VPS13D: variants seen among roughly 807,000 people sequenced by gnomAD.
VPS13D encodes vacuolar protein sorting 13 homolog D.
Under a neutral mutation model 461.9 loss-of-function variants are expected in VPS13D, and 187 were observed. That is an observed-to-expected ratio of 0.40 (90% confidence interval 0.36 to 0.46). The LOEUF (loss-of-function observed/expected upper bound fraction) is 0.46, where lower values mean the gene tolerates loss of function less well. Among genes scored for constraint, VPS13D ranks in the 20% least tolerant of loss-of-function variants. The pLI, the probability that VPS13D is intolerant of heterozygous loss-of-function variation, is 0.60. For missense variants in VPS13D, 4,711 were observed against 5,364.9 expected (o/e 0.88, Z 3.81); for synonymous variants, 1,951 against 1,986.3 (o/e 0.98, Z 0.47).
intron 57 of VPS13D, among the ~76,000 whole-genome samples, chr1:12,382,620 C>A (rs1401817918): frequency 6.6e-6 from 1 of 152,126 alleles, no homozygotes; most frequent in African/African-American, 2.4e-5. Context: ...GATTTTTAAG[C>A]AAACCCTAGT....
intron 65 of VPS13D, among the ~76,000 whole-genome samples, chr1:12,426,159 CAA>C (rs1439539671): frequency 2.6e-5 from 4 of 152,028 alleles, no homozygotes; most frequent in East Asian, 1.9e-4. Flanking sequence ...ATGTATGACT[CAA>C]AAGCATTTGA....
In VPS13D at chr1:12,244,235, TCTC is replaced by T. The variant is rs754935525; in HGVS notation, c.176-8_176-6del. The T allele has an allele frequency of 2.1e-5, 33 of 1,599,958 alleles. No homozygotes were observed. In the African/African-American group the frequency reaches 2.4e-4, roughly 12 times the overall value. ...TACAGATGGTGAACAAGACTTTCCT[TCTC>T]CTTCCAGGCTTCATTGGGAAAGTAA... On this transcript the variant is annotated splice_region_variant and splice_polypyrimidine_tract_variant and intron_variant, in intron 3 of 69. Coordinates refer to ENST00000620676, the MANE Select transcript of VPS13D (RefSeq NM_015378.4).
intron 65 of VPS13D, among the ~76,000 whole-genome samples, chr1:12,450,636 G>A (rs1452004626): frequency 3.3e-5 from 5 of 152,178 alleles, no homozygotes; most frequent in African/African-American, 1.2e-4. Flanking sequence ...CATGAAGAGG[G>A]AACAAATACT....
intron 13 of VPS13D, among the ~76,000 whole-genome samples, chr1:12,262,927 C>T (rs958756336): frequency 1.3e-5 from 2 of 152,096 alleles, no homozygotes; most frequent in Admixed American, 1.3e-4. Context: ...TGGTTTTGAA[C>T]TCCTGACCTC....
At position 12,291,049 on chromosome 1, in the gene VPS13D, T is replaced by G. The variant is rs756089756; in HGVS notation, c.5777T>G (p.Leu1926Arg). ...GSIGSLSLSD[L>R]TCHGEFYRER... ...ATTGGGAGTCTGTCTCTAAGTGACC[T>G]CACATGCCATGGAGAGTTCTACAGA... Residue 1926 changes from leucine to arginine, a missense_variant, in exon 23 of 70, where the codon CTC becomes CGC. By Grantham distance (102) the Leu-to-Arg change is moderately radical (BLOSUM62 -2). Coordinates refer to ENST00000620676, the MANE Select transcript of VPS13D (RefSeq NM_015378.4). The G allele has an allele frequency of 1.2e-6, 2 of 1,614,088 alleles. No homozygotes were observed. Among genetic ancestry groups the G allele is most frequent in the Non-Finnish European group, 8.5e-7 (1 of 1,179,984 alleles).
chr1:12,354,337 A>G (rs1643867723), intron 47 of VPS13D, 116 bp downstream of exon 47: 4 of 1,295,670 alleles, frequency 3.1e-6, no homozygotes, highest in Non-Finnish European at 4.2e-6. Context: ...TAATATCTCA[A>G]TAAGCCAGCT....
chr1:12,441,342 T>G (rs1645128402), intron 65 of VPS13D, among the ~76,000 whole-genome samples: 1 of 152,194 alleles, frequency 6.6e-6, no homozygotes, highest in Admixed American at 6.5e-5. Context: ...TTTCAGGCAC[T>G]GTCCGGGGCG....
chr1:12,244,795 A>G (rs1640494311), intron 5 of VPS13D, among the ~76,000 whole-genome samples, 178 bp downstream of exon 5: 1 of 152,192 alleles, frequency 6.6e-6, no homozygotes. Context: ...CTGACAAGCA[A>G]GTCCTAGGCT....
intron 63 of VPS13D, chr1:12,409,746 TA>T (rs1184205208): frequency 2.6e-6 from 1 of 387,680 alleles, no homozygotes; most frequent in Non-Finnish European, 5.0e-6. Context: ...TTAACCAGCT[TA>T]TAGCAGACCC....
At chr1:12,429,314 T>C (rs929391121) in intron 65 of VPS13D, among the ~76,000 whole-genome samples, 18 of 151,944 alleles carry the variant, frequency 1.2e-4, no homozygotes, top group Admixed American at 2.0e-4. Context: ...CTTTTTGAGA[T>C]GGAGTTTCAC....
chr1:12,256,333 G>C lies in VPS13D; in HGVS notation c.670G>C (p.Glu224Gln). 6.2e-7 allele frequency: 1 copy of C among 1,613,288 alleles called. No individual in the cohort carries two copies. The highest frequency in any genetic ancestry group is 1.7e-5 in the Admixed American group (1 of 59,976). Reference protein sequence around the residue: ...LGDLPQMELQEAMARSMESRS... With the variant: ...LGDLPQMELQQAMARSMESRS... ...GAGCAGGTGTTCTTGTGACACACAG[G>C]AGGCCATGGCCAGGAGCATGGAGAG... is the stretch of plus-strand genomic sequence containing the variant. Residue 224 changes from glutamate to glutamine, a missense_variant and splice_region_variant, in exon 8 of 70, where the codon GAG becomes CAG. Around this residue, in one of 3 missense-constraint regions of VPS13D, gnomAD observed 4,411 missense variants for 4,937.8 expected, o/e 0.89. Transcript: ENST00000620676.
intron 17 of VPS13D, among the ~76,000 whole-genome samples, chr1:12,272,551 A>G (rs1641479423): frequency 6.6e-6 from 1 of 152,130 alleles, no homozygotes; most frequent in African/African-American, 2.4e-5. Context: ...GGGAAGAACA[A>G]TGAACAAATC....
At chr1:12,287,283 T>C (rs1397266635) in intron 21 of VPS13D, among the ~76,000 whole-genome samples, 1 of 152,232 alleles carries the variant, frequency 6.6e-6, no homozygotes, top group Non-Finnish European at 1.5e-5. Context: ...TTGCTCCAGC[T>C]ATAGTAACCC....
At chr1:12,474,924 C>G (rs976830488) in intron 67 of VPS13D, among the ~76,000 whole-genome samples, 6 of 152,136 alleles carry the variant, frequency 3.9e-5, no homozygotes, top group African/African-American at 1.2e-4. Flanking sequence ...TTTAAAAACC[C>G]TATTAAAGCC....
intron 64 of VPS13D, among the ~76,000 whole-genome samples, chr1:12,415,746 A>G (rs1644785632): frequency 6.6e-6 from 1 of 152,234 alleles, no homozygotes; most frequent in African/African-American, 2.4e-5. Flanking sequence ...CAAAGTTAAA[A>G]TATATTTTAT....
At chr1:12,489,172 A>G (rs890665387) in intron 67 of VPS13D, among the ~76,000 whole-genome samples, 1 of 152,160 alleles carries the variant, frequency 6.6e-6, no homozygotes, top group Non-Finnish European at 1.5e-5. Flanking sequence ...GAGGCAGTTG[A>G]CTAAGAAAAA....
At chr1:12,474,951 ATT>A (rs552592768) in intron 67 of VPS13D, among the ~76,000 whole-genome samples, 1 of 147,748 alleles carries the variant, frequency 6.8e-6, no homozygotes. Flanking sequence ...ACTAATGCAG[ATT>A]TTTTTTTTTT....
intron 68 of VPS13D, among the ~76,000 whole-genome samples, chr1:12,504,548 G>A (rs550589694): frequency 3.6e-4 from 55 of 152,360 alleles, no homozygotes; most frequent in Non-Finnish European, 7.1e-4. Flanking sequence ...ACTTTGTGAA[G>A]AAAACTGGCA....
At chr1:12,265,039 A>C (rs1157575887) in intron 13 of VPS13D, among the ~76,000 whole-genome samples, 1 of 152,136 alleles carries the variant, frequency 6.6e-6, no homozygotes, top group Non-Finnish European at 1.5e-5. Context: ...TCAATGGAGC[A>C]ACAAAGCTTG....
Sources: allele counts gnomAD v4.1 joint callset (sites outside exome capture counted in the v4.1 genomes callset), GRCh38; gene constraint gnomAD v4.1.1; regional missense constraint gnomAD v4.1.1; transcripts MANE v1.5; gene names NCBI Gene and HGNC (gene_info 2026-07-23, HGNC 2026-07-21).